Variants in LAMA2 observed in about 807,000 individuals in gnomAD.
LAMA2 encodes the protein laminin subunit alpha-2.
Under a neutral mutation model 364.8 loss-of-function variants are expected in LAMA2, and 269 were observed. The observed-to-expected ratio is 0.74, with a 90% confidence interval of 0.67 to 0.82. The LOEUF (loss-of-function observed/expected upper bound fraction) is 0.82, where lower values mean the gene tolerates loss of function less well. LAMA2 is among the 40% of genes least tolerant of loss of function. The probability of loss-of-function intolerance (pLI) is 0.00; values close to 1 mark genes in which losing one functional copy is unlikely to be tolerated. For synonymous variants in LAMA2, 1,379 were observed against 1,370.6 expected (o/e 1.01, Z -0.14); for missense variants, 3,807 against 3,873.2 (o/e 0.98, Z 0.45).
intron 19 of LAMA2, among the ~76,000 whole-genome samples, chr6:129,289,891 A>C (rs1348638973): frequency 1.3e-5 from 2 of 152,128 alleles, no homozygotes; most frequent in South Asian, 2.1e-4. Context: ...AAGCACATTT[A>C]TTACTTATTT....
intron 12 of LAMA2, among the ~76,000 whole-genome samples, chr6:129,240,379 T>C (rs900577636): frequency 2.6e-5 from 4 of 152,212 alleles, no homozygotes; most frequent in Non-Finnish European, 1.5e-5. Context: ...CACCACATTC[T>C]CCAACGCTTT....
chr6:129,499,450 TTTCTC>T (rs1785453097), intron 58 of LAMA2, among the ~76,000 whole-genome samples: 1 of 152,166 alleles, frequency 6.6e-6, no homozygotes, highest in South Asian at 2.1e-4. Flanking sequence ...CATTAGATCT[TTTCTC>T]TTACCCTTTT....
chr6:129,251,072 C>A lies in LAMA2; in HGVS notation c.1884+859C>A, dbSNP rs1408498282. 3.8e-3 allele frequency among the ~76,000 whole-genome samples: 249 copies of A among 64,890 alleles called. 1 individual carries two copies. The highest frequency in any genetic ancestry group is 8.5e-3 in the African/African-American group (163 of 19,280). 42.6% of individuals were successfully genotyped at this position (64,890 alleles called of 152,430 possible). ...TCTCTCTCTCTCTCTCTCTCTCTCT[C>A]TCTCTATATATATATATATATATAT... On this transcript the variant is annotated intron_variant, in intron 13 of 64. Coordinates refer to ENST00000421865, the MANE Select transcript of LAMA2 (RefSeq NM_000426.4).
intron 40 of LAMA2, among the ~76,000 whole-genome samples, chr6:129,410,258 G>C (rs536036722): frequency 5.6e-4 from 85 of 151,592 alleles, no homozygotes; most frequent in African/African-American, 2.0e-3. Flanking sequence ...CTAAGTCAGT[G>C]GAATAGTCTA....
At chr6:129,020,064 C>A (rs898082491) in intron 1 of LAMA2, among the ~76,000 whole-genome samples, 10 of 136,102 alleles carry the variant, frequency 7.3e-5, no homozygotes, top group Non-Finnish European at 1.4e-4. Flanking sequence ...CCAGCCTGGG[C>A]GACAAGAGCA....
intron 1 of LAMA2, among the ~76,000 whole-genome samples, chr6:128,980,248 C>T (rs11962584): frequency 0.056 from 8,475 of 152,256 alleles, 775 homozygotes; most frequent in African/African-American, 0.19. Flanking sequence ...CACACTAACA[C>T]TTGGTGTGCA....
chr6:128,929,655 C>T (rs561478885), intron 1 of LAMA2: 26 of 1,426,900 alleles, frequency 1.8e-5, no homozygotes, highest in South Asian at 1.0e-4. Flanking sequence ...GATGCGGTCT[C>T]GGTTTGTCAC....
At chr6:129,137,831 A>G (rs1674583933) in intron 4 of LAMA2, among the ~76,000 whole-genome samples, 3 of 152,112 alleles carry the variant, frequency 2.0e-5, no homozygotes, top group African/African-American at 7.2e-5. Context: ...CTGAGGGTTT[A>G]CAATAAATAA....
At chr6:129,203,825 C>G (rs1435421759) in intron 12 of LAMA2, among the ~76,000 whole-genome samples, 1 of 152,072 alleles carries the variant, frequency 6.6e-6, no homozygotes, top group African/African-American at 2.4e-5. Flanking sequence ...TGGACATATC[C>G]CTTAATCTAG....
chr6:129,492,956 C>T (rs1348930172), intron 58 of LAMA2, among the ~76,000 whole-genome samples: 1 of 152,126 alleles, frequency 6.6e-6, no homozygotes, highest in East Asian at 1.9e-4. Context: ...GAGTTCGAGA[C>T]CAGCCTGGGC....
At chr6:129,301,595 A>G (rs1773552875) in intron 22 of LAMA2, among the ~76,000 whole-genome samples, 1 of 152,244 alleles carries the variant, frequency 6.6e-6, no homozygotes. Flanking sequence ...TTGCTTTGCA[A>G]TGGAGTAGAT....
chr6:129,342,464 A>C lies in LAMA2; in HGVS notation c.4433A>C (p.Asn1478Thr). The C allele has an allele frequency of 6.2e-7, 1 of 1,612,998 alleles. No individual in the cohort carries two copies. Among genetic ancestry groups the C allele is most frequent in the East Asian group, 2.2e-5 (1 of 44,812 alleles). ...GCCTGCCCTCTGATTTCTTCCAGTA[A>C]CAAGTAAGATTGAGAAATATAACCA... ...QCACPLISSS[N>T]NFSPSCVAEG... The change falls in exon 30 of 65, where the codon AAC (asparagine) becomes ACC (threonine). Residue 1478 changes from asparagine (N) to threonine (T), a missense_variant. Asn to Thr is a moderately conservative substitution (Grantham distance 65). Around this residue, in one of 3 missense-constraint regions of LAMA2, gnomAD observed 3,333 missense variants for 3,345.7 expected, o/e 1.00. Coordinates refer to ENST00000421865, the MANE Select transcript of LAMA2 (RefSeq NM_000426.4).
At position 129,149,245 on chromosome 6, in the gene LAMA2, CT is replaced by C. The variant is rs199634836; in HGVS notation, c.1027+153del. ...CTTCGAAGACAACCCATATGTCTAG[CT>C]TTTCCTAAAGGGAAATATCTAAGAA... On this transcript the variant is annotated intron_variant, in intron 7 of 64. Coordinates refer to ENST00000421865, the MANE Select transcript of LAMA2 (RefSeq NM_000426.4). 1,188 of 691,514 alleles carry C rather than the reference CT, an allele frequency of 1.7e-3. 9 individuals carry two copies. The African/African-American group carries it at 0.019, about 11-fold the overall frequency. 42.8% of individuals were successfully genotyped at this position (691,514 alleles called of 1,614,324 possible).
intron 4 of LAMA2, among the ~76,000 whole-genome samples, chr6:129,116,400 C>T (rs559121688): frequency 6.6e-6 from 1 of 152,178 alleles, no homozygotes; most frequent in East Asian, 1.9e-4. Context: ...TTGTTTGTCT[C>T]CTTAGCCCCA....
intron 13 of LAMA2, among the ~76,000 whole-genome samples, chr6:129,251,060 CTCTCTCTCTCTCTCTCTATATATA>C (rs1301685711): frequency 4.0e-5 from 3 of 74,270 alleles, no homozygotes; most frequent in East Asian, 8.1e-4. Flanking sequence ...CTCTCTCTCT[CTCTCTCTCTCTCTCTCTATATATA>C]TATATATATA....
At chr6:128,915,206 C>G (rs1341075747) in intron 1 of LAMA2, among the ~76,000 whole-genome samples, 1 of 152,106 alleles carries the variant, frequency 6.6e-6, no homozygotes, top group Non-Finnish European at 1.5e-5. Context: ...ATATATTTGC[C>G]TCCGTCAAAA....
chr6:129,473,279 A>C lies in LAMA2; in HGVS notation c.7366A>C (p.Asn2456His), dbSNP rs754998274. The change falls in exon 52 of 65, where the codon AAC becomes CAC. Residue 2456 changes from asparagine to histidine, a missense_variant. Asn to His is a moderately conservative substitution (Grantham distance 68). Transcript: ENST00000421865. ...GAATATAGCAACTTCGTCTTCTGGA[A>C]ACAACTTTGGTCTTGACTTGAAAGC... Reference protein sequence around the residue: ...EENIATSSSGNNFGLDLKADD... With the variant: ...EENIATSSSGHNFGLDLKADD... 3 of 1,611,970 alleles carry C rather than the reference A, an allele frequency of 1.9e-6. No individual in the cohort carries two copies. The highest frequency in any genetic ancestry group is 1.7e-6 in the Non-Finnish European group (2 of 1,178,460).
At chr6:129,319,442 T>C (rs1048645719) in intron 27 of LAMA2, among the ~76,000 whole-genome samples, 2 of 152,220 alleles carry the variant, frequency 1.3e-5, no homozygotes, top group Non-Finnish European at 2.9e-5. Flanking sequence ...TTCTTATGAT[T>C]TATGTGAATA....
intron 1 of LAMA2, among the ~76,000 whole-genome samples, chr6:129,026,671 G>A (rs1333770417): frequency 1.3e-5 from 2 of 152,166 alleles, no homozygotes; most frequent in Non-Finnish European, 2.9e-5. Context: ...GTGGGAAAGT[G>A]AAATACAAGG....
Sources: gnomAD v4.1 joint callset for allele counts (sites outside exome capture counted in the v4.1 genomes callset) on GRCh38, gnomAD v4.1.1 for gene constraint, gnomAD v4.1.1 regional missense constraint, MANE v1.5 for transcripts, NCBI Gene and HGNC (gene_info 2026-07-23, HGNC 2026-07-21) for gene names.